Variants in HOXA7 observed in about 807,000 individuals in gnomAD.
HOXA7 encodes homeobox A7.
In HOXA7, 16 loss-of-function variants were observed where a neutral mutation model predicts 16.8. The ratio of observed to expected loss-of-function variants is 0.95; its 90% CI spans 0.64 to 1.44. The LOEUF is 1.44. HOXA7 is among the 40% of genes most tolerant of loss of function. The pLI, the probability that HOXA7 is intolerant of heterozygous loss-of-function variation, is 0.00. For synonymous variants in HOXA7, 169 were observed against 144.3 expected, an observed-to-expected ratio of 1.17 and a Z score of -1.23; for missense variants, 379 against 328.6, an observed-to-expected ratio of 1.15 and a Z score of -1.19.
chr7:27,156,069 C>A, intron 1 of HOXA7, 98 bp downstream of exon 1: 1 of 1,350,378 alleles, frequency 7.4e-7, no homozygotes, highest in Non-Finnish European at 9.5e-7. Flanking sequence ...TGGCTCCGCT[C>A]TTCCGGCCCC....
rs1783102641 is a variant in HOXA7 at position 27,156,160 on chromosome 7, C to A, written c.379+7G>T. On this transcript the variant is annotated splice_region_variant and intron_variant, in intron 1 of 1. Coordinates refer to ENST00000242159, the MANE Select transcript of HOXA7 (RefSeq NM_006896.4). Reference sequence around the variant, plus strand: ...GCCAGCCTGGCCCGCCTAGCGACTGCGCCTACCTGAAGACCGCATCCAGGG... The same window carrying A: ...GCCAGCCTGGCCCGCCTAGCGACTGAGCCTACCTGAAGACCGCATCCAGGG... 6.6e-7 allele frequency: 1 copy of A among 1,523,604 alleles called. No individual in the cohort carries two copies. The highest frequency in any genetic ancestry group is 8.8e-7 in the Non-Finnish European group (1 of 1,134,004). The allele number at this position is 1,523,604 out of a possible 1,614,324, so 94.4% of individuals were successfully genotyped here.
rs1019188548 is a variant in HOXA7, at chr7:27,156,474, G to C, written c.72C>G (p.Ala24=). 16 of 1,611,506 alleles carry C rather than the reference G, an allele frequency of 9.9e-6. No individual in the cohort carries two copies. The highest frequency in any genetic ancestry group is 2.2e-5 in the East Asian group (1 of 44,814). Residue 24 remains alanine, a synonymous_variant, in exon 1 of 2, where the codon GCC becomes GCG. Coordinates refer to ENST00000242159, the MANE Select transcript of HOXA7 (RefSeq NM_006896.4). ...YTAGASLFQN[A]EPTSCSFAPN... ...GAGCAAAGGAGCAAGAAGTCGGCTC[G>C]GCATTTTGGAACAGAGAAGCCCCCG...
intron 1 of HOXA7, chr7:27,155,728 GT>G (rs1783094446): frequency 5.9e-6 from 1 of 168,794 alleles, no homozygotes; most frequent in Admixed American, 5.9e-5. Context: ...ACAGGGTCGG[GT>G]GAGAGGCCCT....
chr7:27,154,777 G>C lies in HOXA7; in HGVS notation c.*132C>G. 5 of 1,339,508 alleles carry C rather than the reference G, an allele frequency of 3.7e-6. No individual in the cohort carries two copies. Among genetic ancestry groups the C allele is most frequent in the Non-Finnish European group, 4.9e-6 (5 of 1,011,802 alleles). 83.0% of individuals were successfully genotyped at this position (1,339,508 alleles called of 1,614,324 possible). On this transcript the variant is annotated 3_prime_UTR_variant, in exon 2 of 2. Coordinates refer to ENST00000242159, the MANE Select transcript of HOXA7 (RefSeq NM_006896.4). ...TGGGTAGAGTGCAGGTTGGGGACTG[G>C]GTTGCTTTTTTGTTTTTGTTTTTGT...
rs201497972 is a variant in HOXA7, at chr7:27,155,134, C to T, written c.468G>A (p.Thr156=). ...EKEFHFNRYL[T]RRRRIEIAHA... Reference sequence around the variant, plus strand: ...GGGCGATTTCAATGCGGCGGCGCCGCGTCAGGTAGCGGTTGAAGTGGAACT... The same window carrying T: ...GGGCGATTTCAATGCGGCGGCGCCGTGTCAGGTAGCGGTTGAAGTGGAACT... Residue 156 remains threonine, a synonymous_variant, in exon 2 of 2, where the codon ACG becomes ACA. Transcript: ENST00000242159. 6 of 1,614,270 alleles carry T rather than the reference C, an allele frequency of 3.7e-6. No homozygotes were observed. In the East Asian group the frequency reaches 6.7e-5, roughly 18 times the overall value.
chr7:27,154,883 T>C lies in HOXA7; in HGVS notation c.*26A>G. On this transcript the variant is annotated 3_prime_UTR_variant, in exon 2 of 2. Transcript: ENST00000242159. The stretch of plus-strand genomic sequence containing the variant: ...TAAAGACGCTTTTCCGACTGTCCGG[T>C]GCAGAGAGGGCCCCGGATCGGCCCC... 1.3e-6 allele frequency: 2 copies of C among 1,594,770 alleles called. No homozygotes were observed. Among genetic ancestry groups the C allele is most frequent in the South Asian group, 1.1e-5 (1 of 89,580 alleles).
At chr7:27,156,077 CCCGCGCCCCGCGCT>C (rs1420291434) in intron 1 of HOXA7, 76 bp downstream of exon 1, 3 of 1,361,344 alleles carry the variant, frequency 2.2e-6, no homozygotes, top group African/African-American at 1.5e-5. Context: ...CTCTTCCGGC[CCCGCGCCCCGCGCT>C]CCGCGCTCCC....
chr7:27,154,688 A>T lies in HOXA7; in HGVS notation c.*221T>A. ...GGTCCTCGGAGGCAGAGGGAATCCA[A>T]GGCGACCCAGTCTCTGCGGCCGCTC... On this transcript the variant is annotated 3_prime_UTR_variant, in exon 2 of 2. Coordinates refer to ENST00000242159, the MANE Select transcript of HOXA7 (RefSeq NM_006896.4). The T allele has an allele frequency of 1.5e-6, 1 of 648,324 alleles. No homozygotes were observed. Among genetic ancestry groups the T allele is most frequent in the Non-Finnish European group, 2.5e-6 (1 of 398,784 alleles). 40.2% of individuals were successfully genotyped at this position (648,324 alleles called of 1,614,324 possible).
At position 27,155,175 on chromosome 7, in the gene HOXA7, G is replaced by T; in HGVS notation, c.427C>A (p.Leu143Met). 6.2e-7 allele frequency: 1 copy of T among 1,614,274 alleles called. No individual in the cohort carries two copies. Among genetic ancestry groups the T allele is most frequent in the African/African-American group, 1.3e-5 (1 of 75,070 alleles). The change falls in exon 2 of 2, where the codon CTG (leucine) becomes ATG (methionine). Residue 143 changes from leucine (L) to methionine (M), a missense_variant. Leu to Met is a conservative substitution (Grantham distance 15, BLOSUM62 2). Coordinates refer to ENST00000242159, the MANE Select transcript of HOXA7 (RefSeq NM_006896.4). ...GRQTYTRYQT[L>M]ELEKEFHFNR... Reference sequence around the variant, plus strand: ...AAGTGGAACTCCTTCTCCAGCTCCAGCGTCTGGTAGCGCGTGTAGGTCTGG... The same window carrying T: ...AAGTGGAACTCCTTCTCCAGCTCCATCGTCTGGTAGCGCGTGTAGGTCTGG...
In HOXA7 at chr7:27,153,813, G is replaced by A. The variant is rs1783045399; in HGVS notation, c.*1096C>T. 6.6e-6 allele frequency: 1 copy of A among 152,662 alleles called. No individual in the cohort carries two copies. The highest frequency in any genetic ancestry group is 6.5e-5 in the Admixed American group (1 of 15,282). The allele number at this position is 152,662 out of a possible 1,614,324, so 9.5% of individuals were successfully genotyped here. A position where few individuals can be genotyped will look rare whatever the true frequency, so the allele number is the denominator to read the frequency against. The stretch of plus-strand genomic sequence containing the variant: ...TGAACCCCAGGATGGAGCTGAGCAG[G>A]GTACAGGACAACACAGGAGATGAAG... On this transcript the variant is annotated 3_prime_UTR_variant, in exon 2 of 2. Transcript: ENST00000242159.
Position 27,156,258 on chromosome 7 carries a change from G to T in HOXA7, c.288C>A (p.Leu96=). The change falls in exon 1 of 2, where the codon CTC becomes CTA. Residue 96 remains leucine, a synonymous_variant. Coordinates refer to ENST00000242159, the MANE Select transcript of HOXA7 (RefSeq NM_006896.4). ...CCGTCTTGTCGCAGGCGCCTTTGGC[G>T]AGGTCACTGCAGAGCCCGGGGATGT... The part of the protein sequence containing the change: ...DQNIPGLCSD[L]AKGACDKTDE... 6.2e-7 allele frequency: 1 copy of T among 1,611,866 alleles called. No individual in the cohort carries two copies. The highest frequency in any genetic ancestry group is 8.5e-7 in the Non-Finnish European group (1 of 1,179,130).
At chr7:27,155,909 A>G in intron 1 of HOXA7, 1 of 382,186 alleles carries the variant, frequency 2.6e-6, no homozygotes, top group Non-Finnish European at 4.6e-6. Flanking sequence ...AAATAAATTT[A>G]CGAGGATCGA....
chr7:27,154,773 A>ACTGG lies in HOXA7; in HGVS notation c.*132_*135dup. On this transcript the variant is annotated 3_prime_UTR_variant, in exon 2 of 2. Transcript: ENST00000242159. ...GGGGTGGGTAGAGTGCAGGTTGGGG[A>ACTGG]CTGGGTTGCTTTTTTGTTTTTGTTT... 1 of 1,300,068 alleles carries ACTGG rather than the reference A, an allele frequency of 7.7e-7. No homozygotes were observed. Among genetic ancestry groups the ACTGG allele is most frequent in the East Asian group, 2.5e-5 (1 of 39,348 alleles). 80.5% of individuals were successfully genotyped at this position (1,300,068 alleles called of 1,614,324 possible).
At position 27,155,222 on chromosome 7, in the gene HOXA7, C is replaced by T. The variant is rs772553123; in HGVS notation, c.380G>A (p.Gly127Glu). Residue 127 changes from glycine to glutamate, a missense_variant and splice_region_variant, in exon 2 of 2, where the codon GGA becomes GAA. Physicochemically the swap from Gly to Glu is moderately conservative, Grantham distance 98. Coordinates refer to ENST00000242159, the MANE Select transcript of HOXA7 (RefSeq NM_006896.4). ...CTGGCGGCCCCGCTTCCTGTCAGGT[C>T]CTGAGAACAGACATGCAGACACATG... ...FRIYPWMRSS[G>E]PDRKRGRQTY... 1 of 1,613,732 alleles carries T rather than the reference C, an allele frequency of 6.2e-7. No homozygotes were observed. The highest frequency in any genetic ancestry group is 8.5e-7 in the Non-Finnish European group (1 of 1,179,894).
In HOXA7 at chr7:27,155,090, T is replaced by A; in HGVS notation, c.512A>T (p.Glu171Val). The A allele has an allele frequency of 6.2e-7, 1 of 1,614,232 alleles. No individual in the cohort carries two copies. The highest frequency in any genetic ancestry group is 8.5e-7 in the Non-Finnish European group (1 of 1,180,042). The part of the protein sequence containing the change: ...IEIAHALCLT[E>V]RQIKIWFQNR... ...CTGGAACCAGATCTTAATCTGGCGCTCGGTGAGGCAGAGCGCGTGGGCGAT... is the reference window on the plus strand; with the variant it reads ...CTGGAACCAGATCTTAATCTGGCGCACGGTGAGGCAGAGCGCGTGGGCGAT... The change falls in exon 2 of 2, where the codon GAG (glutamate) becomes GTG (valine). Residue 171 changes from glutamate to valine, a missense_variant. Coordinates refer to ENST00000242159, the MANE Select transcript of HOXA7 (RefSeq NM_006896.4).
chr7:27,155,826 GT>G (rs1783096035), intron 1 of HOXA7: 1 of 224,450 alleles, frequency 4.5e-6, no homozygotes, highest in Non-Finnish European at 8.6e-6. Flanking sequence ...GGGAGGGAGG[GT>G]GACAGAGGAG....
Position 27,154,560 on chromosome 7 carries a change from A to T in HOXA7, c.*349T>A. 1 of 240,114 alleles carries T rather than the reference A, an allele frequency of 4.2e-6. No homozygotes were observed. The highest frequency in any genetic ancestry group is 8.1e-6 in the Non-Finnish European group (1 of 123,022). 14.9% of individuals were successfully genotyped at this position (240,114 alleles called of 1,614,324 possible). On this transcript the variant is annotated 3_prime_UTR_variant, in exon 2 of 2. Transcript: ENST00000242159. ...GAATGGAGGCCCTCTGGGGCTGGAT[A>T]CATAGGTAGTTTGGGGGTGCCTCGA...
rs751967060 is a variant in HOXA7, at chr7:27,155,061, G to C, written c.541C>G (p.Arg181Gly). ...TGCTCTTTCTTCCACTTCATGCGGC[G>C]GTTCTGGAACCAGATCTTAATCTGG... ...ERQIKIWFQN[R>G]RMKWKKEHKD... is the part of the protein sequence containing the mutation. Residue 181 changes from arginine to glycine, a missense_variant, in exon 2 of 2, where the codon CGC (arginine) becomes GGC (glycine). Physicochemically the swap from Arg to Gly is moderately radical, Grantham distance 125 (BLOSUM62 -2). Coordinates refer to ENST00000242159, the MANE Select transcript of HOXA7 (RefSeq NM_006896.4). 8.7e-6 allele frequency: 14 copies of C among 1,614,120 alleles called. No individual in the cohort carries two copies. Among genetic ancestry groups the C allele is most frequent in the African/African-American group, 1.3e-5 (1 of 74,944 alleles).
Position 27,155,123 on chromosome 7 carries a change from C to T in HOXA7, c.479G>A (p.Arg160His), listed in dbSNP as rs1361050955. 3 of 1,614,248 alleles carry T rather than the reference C, an allele frequency of 1.9e-6. No individual in the cohort carries two copies. Among genetic ancestry groups the T allele is most frequent in the Non-Finnish European group, 2.5e-6 (3 of 1,180,050 alleles). ...HFNRYLTRRR[R>H]IEIAHALCLT... is the part of the protein sequence containing the mutation. ...GCAGAGCGCGTGGGCGATTTCAATG[C>T]GGCGGCGCCGCGTCAGGTAGCGGTT... The change falls in exon 2 of 2, where the codon CGC becomes CAC. Residue 160 changes from arginine to histidine, a missense_variant. Coordinates refer to ENST00000242159, the MANE Select transcript of HOXA7 (RefSeq NM_006896.4).
Sources: allele counts gnomAD v4.1 joint callset, GRCh38; gene constraint gnomAD v4.1.1; transcripts MANE v1.5; gene names NCBI Gene and HGNC (gene_info 2026-07-23, HGNC 2026-07-21).